CSMD1: variants seen among roughly 807,000 people sequenced by gnomAD.
CSMD1 encodes CUB and Sushi multiple domains 1.
Under a neutral mutation model 417.5 loss-of-function variants are expected in CSMD1, and 213 were observed. The observed-to-expected ratio is 0.51, with a 90% confidence interval of 0.46 to 0.57. The LOEUF is 0.57. Among genes scored for constraint, CSMD1 ranks in the 20% least tolerant of loss-of-function variants. CSMD1 has a pLI of 0.00. For missense variants in CSMD1, 6,923 were observed against 4,529.7 expected, an observed-to-expected ratio of 1.53 and a Z score of -15.17; for synonymous variants, 2,862 against 1,736.8, an observed-to-expected ratio of 1.65 and a Z score of -16.11.
intron 3 of CSMD1, among the ~76,000 whole-genome samples, chr8:4,413,878 C>T (rs960115236): frequency 2.1e-4 from 32 of 152,126 alleles, no homozygotes; most frequent in Middle Eastern, 3.2e-3. Flanking sequence ...GGAAGGATAC[C>T]TGGGTTTACC....
chr8:4,366,093 C>G (rs1020467883), intron 3 of CSMD1, among the ~76,000 whole-genome samples: 4 of 152,060 alleles, frequency 2.6e-5, no homozygotes, highest in African/African-American at 4.8e-5. Context: ...CCTCCCCACT[C>G]AGGTAGTACC....
chr8:4,538,557 C>G (rs866127798), intron 2 of CSMD1, among the ~76,000 whole-genome samples: 1 of 151,870 alleles, frequency 6.6e-6, no homozygotes, highest in African/African-American at 2.4e-5. Context: ...GCAGGAGAAT[C>G]GCTTGAACCC....
chr8:3,120,706 G>GGGA (rs534643843), intron 41 of CSMD1, among the ~76,000 whole-genome samples: 9 of 147,442 alleles, frequency 6.1e-5, no homozygotes, highest in African/African-American at 2.1e-4. Flanking sequence ...AATTAGCCAG[G>GGGA]GGGGGTGACC....
chr8:4,838,866 G>A (rs983633555), intron 1 of CSMD1, among the ~76,000 whole-genome samples: 2 of 152,304 alleles, frequency 1.3e-5, no homozygotes, highest in Admixed American at 1.3e-4. Context: ...TCTATCTCCA[G>A]TAGCAATCTT....
intron 1 of CSMD1, among the ~76,000 whole-genome samples, chr8:4,808,166 C>G (rs543820557): frequency 5.3e-5 from 8 of 152,268 alleles, no homozygotes; most frequent in Non-Finnish European, 7.4e-5. Context: ...GGTGTGGAGT[C>G]ACAGAGGGCG....
At chr8:4,049,677 A>T (rs939072117) in intron 3 of CSMD1, among the ~76,000 whole-genome samples, 1 of 152,156 alleles carries the variant, frequency 6.6e-6, no homozygotes, top group African/African-American at 2.4e-5. Context: ...AGGTATAGAT[A>T]TTTTTATGAA....
chr8:4,013,452 G>C (rs922098580), intron 4 of CSMD1, among the ~76,000 whole-genome samples: 2 of 152,082 alleles, frequency 1.3e-5, no homozygotes, highest in Non-Finnish European at 2.9e-5. Flanking sequence ...CTATCAGGGG[G>C]GTTTCCAGGA....
intron 3 of CSMD1, among the ~76,000 whole-genome samples, chr8:4,206,149 C>T (rs1318077210): frequency 6.6e-6 from 1 of 151,920 alleles, no homozygotes; most frequent in Non-Finnish European, 1.5e-5. Context: ...TTTTCCCTGG[C>T]TATTATTCAG....
intron 3 of CSMD1, among the ~76,000 whole-genome samples, chr8:4,091,567 C>G (rs375944367): frequency 6.6e-6 from 1 of 152,184 alleles, no homozygotes; most frequent in Non-Finnish European, 1.5e-5. Flanking sequence ...CCGCTCCTTT[C>G]TATCCCTCAG....
At chr8:4,862,060 G>T (rs1436904892) in intron 1 of CSMD1, among the ~76,000 whole-genome samples, 1 of 152,200 alleles carries the variant, frequency 6.6e-6, no homozygotes, top group African/African-American at 2.4e-5. Context: ...GATGCTCAGG[G>T]AAATGCTACT....
intron 1 of CSMD1, among the ~76,000 whole-genome samples, chr8:4,877,749 A>G (rs374329928): frequency 5.3e-5 from 8 of 152,270 alleles, no homozygotes; most frequent in African/African-American, 1.9e-4. Flanking sequence ...TTGCACTTTC[A>G]AAGGATGTAT....
intron 1 of CSMD1, among the ~76,000 whole-genome samples, chr8:4,913,541 C>T (rs1030761106): frequency 6.6e-6 from 1 of 152,156 alleles, no homozygotes; most frequent in African/African-American, 2.4e-5. Context: ...CCTCAAAGAG[C>T]TCTACAGGGG....
intron 3 of CSMD1, among the ~76,000 whole-genome samples, chr8:4,359,648 C>T (rs543608521): frequency 6.6e-6 from 1 of 152,164 alleles, no homozygotes. Context: ...GCTCCCCTTG[C>T]AAATGTGTGT....
At chr8:4,058,389 C>G in intron 3 of CSMD1, among the ~76,000 whole-genome samples, 1 of 152,176 alleles carries the variant, frequency 6.6e-6, no homozygotes, top group African/African-American at 2.4e-5. Context: ...GATTTTGTAT[C>G]CTCAGACTTT....
intron 42 of CSMD1, among the ~76,000 whole-genome samples, chr8:3,113,601 C>G (rs2129017076): frequency 6.6e-6 from 1 of 152,320 alleles, no homozygotes; most frequent in South Asian, 2.1e-4. Context: ...ACTGGCTTCC[C>G]CCACAACGCC....
At position 3,412,037 on chromosome 8, in the gene CSMD1, C is replaced by T. The variant is rs942623549; in HGVS notation, c.1562-2432G>A. Among the ~76,000 whole-genome samples, 5 of 39,558 alleles carry T rather than the reference C, an allele frequency of 1.3e-4. 2 individuals are homozygous for T. The highest frequency in any genetic ancestry group is 5.2e-4 in the African/African-American group (5 of 9,572). 26.0% of individuals were successfully genotyped at this position (39,558 alleles called of 152,430 possible). The stretch of plus-strand genomic sequence containing the variant: ...ATACATATACACACGTATATATACA[C>T]ATATATACACGTATATATACACACG... On this transcript the variant is annotated intron_variant, in intron 12 of 69. Transcript: ENST00000635120.
chr8:4,121,207 C>G (rs772959565), intron 3 of CSMD1, among the ~76,000 whole-genome samples: 21 of 152,056 alleles, frequency 1.4e-4, no homozygotes, highest in Admixed American at 4.6e-4. Context: ...CTCTGCCTCT[C>G]GGGTTCAAGC....
chr8:3,516,695 G>C (rs923832149), intron 10 of CSMD1, among the ~76,000 whole-genome samples: 3 of 152,096 alleles, frequency 2.0e-5, no homozygotes, highest in African/African-American at 7.2e-5. Flanking sequence ...GGTTACATGA[G>C]AAAGTTCTTT....
In CSMD1 at chr8:4,297,118, G is replaced by A. The variant is rs550595867; in HGVS notation, c.415+122835C>T. ...CTCTAGAGCATCGTAGGTGTAATAC[G>A]TTTTAATCTTAATTGGCATAAAAAT... On this transcript the variant is annotated intron_variant, in intron 3 of 69. Coordinates refer to ENST00000635120, the MANE Select transcript of CSMD1 (RefSeq NM_033225.6). 1.1e-3 allele frequency among the ~76,000 whole-genome samples: 168 copies of A among 152,048 alleles called. No homozygotes were observed. In the Middle Eastern group the frequency reaches 0.017, roughly 15 times the overall value.
Sources: allele counts gnomAD v4.1 joint callset (sites outside exome capture counted in the v4.1 genomes callset), GRCh38; gene constraint gnomAD v4.1.1; transcripts MANE v1.5; gene names NCBI Gene and HGNC (gene_info 2026-07-23, HGNC 2026-07-21).